Variants in ATG9A observed in about 807,000 individuals in gnomAD.
ATG9A encodes the protein autophagy related 9A.
Under a neutral mutation model 87.1 loss-of-function variants are expected in ATG9A, and 21 were observed. That is an observed-to-expected ratio of 0.24 (90% CI 0.17 to 0.35). The LOEUF (loss-of-function observed/expected upper bound fraction) is 0.35. Ranked by LOEUF, ATG9A falls within the 10% of genes least tolerant of loss-of-function variation. The probability of loss-of-function intolerance (pLI) is 1.00; values close to 1 mark genes in which losing one functional copy is unlikely to be tolerated. For synonymous variants in ATG9A, 422 were observed against 441.3 expected, an observed-to-expected ratio of 0.96 and a Z score of 0.55; for missense variants, 836 against 1,107.3, an observed-to-expected ratio of 0.76 and a Z score of 3.48.
At chr2:219,220,973 T>C in intron 14 of ATG9A, 81 bp from the exon 15 acceptor site, 1 of 1,518,702 alleles carries the variant, frequency 6.6e-7, no homozygotes, top group South Asian at 1.1e-5. Flanking sequence ...GCTTGGGGGG[T>C]GAGTCTTTGG....
At chr2:219,227,723 G>C in intron 4 of ATG9A, 47 bp downstream of exon 4, 3 of 1,601,604 alleles carry the variant, frequency 1.9e-6, no homozygotes, top group Non-Finnish European at 2.6e-6. Flanking sequence ...CCGGCTTAGA[G>C]AGACATTAAA....
chr2:219,226,261 C>T (rs1291213415), intron 5 of ATG9A, among the ~76,000 whole-genome samples: 1 of 152,102 alleles, frequency 6.6e-6, no homozygotes, highest in Non-Finnish European at 1.5e-5. Context: ...CAGGCGTGTG[C>T]CACCACACCC....
Position 219,223,935 on chromosome 2 carries a change from G to C in ATG9A, c.1353C>G (p.His451Gln), listed in dbSNP as rs1157621378. 10 of 1,614,102 alleles carry C rather than the reference G, an allele frequency of 6.2e-6. No individual in the cohort carries two copies. Among genetic ancestry groups the C allele is most frequent in the Non-Finnish European group, 1.7e-6 (2 of 1,180,046 alleles). ...GCGAGCGGTGGGCATTACCCTGCCA[G>C]TGGTCAGGCATGTAGTGGATGTGAG... ...ILAHIHYMPD[H>Q]WQGNAHRSQT... The change falls in exon 9 of 16, where the codon CAC (histidine) becomes CAG (glutamine). Residue 451 changes from histidine to glutamine, a missense_variant. By Grantham distance (24) the His-to-Gln change is conservative. Around this residue, in one of 2 missense-constraint regions of ATG9A, gnomAD observed 512 missense variants for 759.6 expected, o/e 0.67. Coordinates refer to ENST00000361242, the MANE Select transcript of ATG9A (RefSeq NM_001077198.3). The surrounding 1 kb of genome is among the most constrained non-coding windows in gnomAD (Gnocchi z 4.7).
In ATG9A at chr2:219,223,557, G is replaced by A. The variant is rs181781165; in HGVS notation, c.1599+28C>T. ...ACTGTATGTTCCAGCATCATCCCAG[G>A]CCACCTGGCTCCCTCCTCTCCCAGT... On this transcript the variant is annotated intron_variant, in intron 10 of 15. Coordinates refer to ENST00000361242, the MANE Select transcript of ATG9A (RefSeq NM_001077198.3). The surrounding 1 kb of genome is among the most constrained non-coding windows in gnomAD (Gnocchi z 4.7). 6.4e-6 allele frequency: 10 copies of A among 1,569,786 alleles called. No homozygotes were observed. The African/African-American group carries it at 1.1e-4, about 17-fold the overall frequency.
In ATG9A at chr2:219,228,492, G is replaced by A. The variant is rs949895676; in HGVS notation, c.-81-7C>T. On this transcript the variant is annotated splice_region_variant and splice_polypyrimidine_tract_variant and intron_variant, in intron 1 of 15. Transcript: ENST00000361242. ...CCTCGATGCTCTGCAGCTGCTGGAG[G>A]AGAAGATGTCAGGCCCCAGAGAGTG... 1 of 154,402 alleles carries A rather than the reference G, an allele frequency of 6.5e-6. No homozygotes were observed. The highest frequency in any genetic ancestry group is 2.4e-5 in the African/African-American group (1 of 41,502). 9.6% of individuals were successfully genotyped at this position (154,402 alleles called of 1,614,324 possible).
intron 1 of ATG9A, chr2:219,228,771 G>A (rs1402050577): frequency 6.6e-6 from 1 of 152,264 alleles, no homozygotes; most frequent in African/African-American, 2.4e-5. Flanking sequence ...TTTCTCCATT[G>A]CCCTACCTTA....
chr2:219,221,750 G>A (rs528405387), intron 13 of ATG9A, among the ~76,000 whole-genome samples: 11 of 152,256 alleles, frequency 7.2e-5, no homozygotes, highest in Admixed American at 2.0e-4. Flanking sequence ...ATTCAGGAGG[G>A]TGGGCAAGGG....
At chr2:219,225,258 A>G in intron 6 of ATG9A, 46 bp from the exon 7 acceptor site, 1 of 1,612,422 alleles carries the variant, frequency 6.2e-7, no homozygotes, top group Non-Finnish European at 8.5e-7. Context: ...TCGAGGAAGG[A>G]GTCTTGGCAG....
At position 219,223,041 on chromosome 2, in the gene ATG9A, C is replaced by A; in HGVS notation, c.1600-148G>T. 1 of 1,013,414 alleles carries A rather than the reference C, an allele frequency of 9.9e-7. No individual in the cohort carries two copies. The highest frequency in any genetic ancestry group is 1.4e-6 in the Non-Finnish European group (1 of 702,482). 62.8% of individuals were successfully genotyped at this position (1,013,414 alleles called of 1,614,324 possible). A position where few individuals can be genotyped will look rare whatever the true frequency, so the allele number is the denominator to read the frequency against. On this transcript the variant is annotated intron_variant, in intron 10 of 15. Coordinates refer to ENST00000361242, the MANE Select transcript of ATG9A (RefSeq NM_001077198.3). The surrounding 1 kb of genome is among the most constrained non-coding windows in gnomAD (Gnocchi z 4.7). ...CCAGGGCACTGGTGCCCCCCCAGAC[C>A]CAGGAGGGGCTGCACTGCATGCTGA...
At position 219,224,082 on chromosome 2, in the gene ATG9A, C is replaced by T; in HGVS notation, c.1265+24G>A. 1 of 1,609,146 alleles carries T rather than the reference C, an allele frequency of 6.2e-7. No individual in the cohort carries two copies. The highest frequency in any genetic ancestry group is 1.1e-5 in the South Asian group (1 of 90,616). On this transcript the variant is annotated intron_variant, in intron 8 of 15. Coordinates refer to ENST00000361242, the MANE Select transcript of ATG9A (RefSeq NM_001077198.3). The surrounding 1 kb of genome is among the most constrained non-coding windows in gnomAD (Gnocchi z 7.7). ...TTTCCCAGGAATGCTAGCCGGCTTGCTCCCGCCTGTGGCCCTGGCCCACCT... is the reference window on the plus strand; with the variant it reads ...TTTCCCAGGAATGCTAGCCGGCTTGTTCCCGCCTGTGGCCCTGGCCCACCT...
At chr2:219,221,441 GT>G in intron 13 of ATG9A, 139 bp from the exon 14 acceptor site, 1 of 744,728 alleles carries the variant, frequency 1.3e-6, no homozygotes, top group Non-Finnish European at 2.1e-6. Context: ...TATGTTAATA[GT>G]GTGTAATATA....
At chr2:219,225,829 G>A (rs571037467) in intron 5 of ATG9A, among the ~76,000 whole-genome samples, 4 of 152,292 alleles carry the variant, frequency 2.6e-5, no homozygotes, top group East Asian at 1.9e-4. Context: ...CTGGACTCTC[G>A]AAGGTTTCAT....
chr2:219,221,047 G>T, intron 14 of ATG9A, 33 bp downstream of exon 14: 1 of 1,607,754 alleles, frequency 6.2e-7, no homozygotes, highest in Non-Finnish European at 8.5e-7. Context: ...CTTCCCTGCA[G>T]CCTCTGTTTC....
In ATG9A at chr2:219,220,837, C is replaced by T; in HGVS notation, c.2424G>A (p.Gly808=). The change falls in exon 15 of 16, where the codon GGG becomes GGA. Residue 808 remains glycine (G), a synonymous_variant. Coordinates refer to ENST00000361242, the MANE Select transcript of ATG9A (RefSeq NM_001077198.3). The part of the protein sequence containing the change: ...PSHFSRLPLG[G]WAEDGQSASR... Reference sequence around the variant, plus strand: ...ATGCCGACTGCCCATCTTCTGCCCACCCTCCAAGAGGCAGCCGAGAGAAAT... The same window carrying T: ...ATGCCGACTGCCCATCTTCTGCCCATCCTCCAAGAGGCAGCCGAGAGAAAT... The T allele has an allele frequency of 6.2e-7, 1 of 1,613,448 alleles. No individual in the cohort carries two copies. The highest frequency in any genetic ancestry group is 8.5e-7 in the Non-Finnish European group (1 of 1,179,984).
chr2:219,223,957 T>A lies in ATG9A; in HGVS notation c.1331A>T (p.His444Leu). Residue 444 changes from histidine to leucine, a missense_variant, in exon 9 of 16, where the codon CAC becomes CTC. Physicochemically the swap from His to Leu is moderately conservative, Grantham distance 99. Coordinates refer to ENST00000361242, the MANE Select transcript of ATG9A (RefSeq NM_001077198.3). The surrounding 1 kb of genome is among the most constrained non-coding windows in gnomAD (Gnocchi z 4.7). ...PEQLLRVILA[H>L]IHYMPDHWQG... ...CCAGTGGTCAGGCATGTAGTGGATGTGAGCGAGGATCACGCGGAGCAGCTG... is the reference window on the plus strand; with the variant it reads ...CCAGTGGTCAGGCATGTAGTGGATGAGAGCGAGGATCACGCGGAGCAGCTG... 1.2e-6 allele frequency: 2 copies of A among 1,614,184 alleles called. No individual in the cohort carries two copies. Among genetic ancestry groups the A allele is most frequent in the East Asian group, 2.2e-5 (1 of 44,864 alleles).
chr2:219,225,271 A>C (rs1451065799), intron 6 of ATG9A, 59 bp from the exon 7 acceptor site: 6 of 1,610,708 alleles, frequency 3.7e-6, no homozygotes, highest in Non-Finnish European at 5.1e-6. Context: ...CTTGGCAGAG[A>C]CGCTGCTATC....
chr2:219,223,504 G>C lies in ATG9A; in HGVS notation c.1599+81C>G. On this transcript the variant is annotated intron_variant, in intron 10 of 15. Transcript: ENST00000361242. The surrounding 1 kb of genome is among the most constrained non-coding windows in gnomAD (Gnocchi z 4.7). Reference sequence around the variant, plus strand: ...GACTGCCTTTGTGTGACTCAGGAGAGGTGTCTTTTTGCGGTTTTCCCAAAG... The same window carrying C: ...GACTGCCTTTGTGTGACTCAGGAGACGTGTCTTTTTGCGGTTTTCCCAAAG... 7 of 1,441,930 alleles carry C rather than the reference G, an allele frequency of 4.9e-6. No individual in the cohort carries two copies. Among genetic ancestry groups the C allele is most frequent in the Non-Finnish European group, 6.5e-6 (7 of 1,070,766 alleles). 89.3% of individuals were successfully genotyped at this position (1,441,930 alleles called of 1,614,324 possible).
chr2:219,226,973 G>A (rs759788984), intron 4 of ATG9A, 40 bp from the exon 5 acceptor site: 2 of 1,543,762 alleles, frequency 1.3e-6, no homozygotes, highest in South Asian at 2.2e-5. Flanking sequence ...AAGAAAGCAG[G>A]TAAGAGCACA....
At position 219,220,200 on chromosome 2, in the gene ATG9A, T is replaced by G. The variant is rs1950722164; in HGVS notation, c.*247A>C. 2 of 527,948 alleles carry G rather than the reference T, an allele frequency of 3.8e-6. No homozygotes were observed. The highest frequency in any genetic ancestry group is 6.8e-6 in the Non-Finnish European group (2 of 294,518). The allele number at this position is 527,948 out of a possible 1,614,324, so 32.7% of individuals were successfully genotyped here. A position where few individuals can be genotyped will look rare whatever the true frequency, so the allele number is the denominator to read the frequency against. The stretch of plus-strand genomic sequence containing the variant: ...TGGGGGCCAGTTTCTAGCACCACAC[T>G]CTGAGCCAAGGGGGTCCTGGGGATG... On this transcript the variant is annotated 3_prime_UTR_variant, in exon 16 of 16. Coordinates refer to ENST00000361242, the MANE Select transcript of ATG9A (RefSeq NM_001077198.3).
Sources: gnomAD v4.1 joint callset for allele counts (sites outside exome capture counted in the v4.1 genomes callset) on GRCh38, gnomAD v4.1.1 for gene constraint, gnomAD v4.1.1 regional missense constraint, Gnocchi (gnomAD v3.1) non-coding constraint, MANE v1.5 for transcripts, NCBI Gene and HGNC (gene_info 2026-07-23, HGNC 2026-07-21) for gene names.